Variants in TBC1D30 observed in about 807,000 individuals in gnomAD.
TBC1D30 encodes the protein TBC1 domain family member 30.
In TBC1D30, 31 loss-of-function variants were observed where a neutral mutation model predicts 63.2. The ratio of observed to expected loss-of-function variants is 0.49; its 90% CI spans 0.37 to 0.66. The LOEUF is 0.66. TBC1D30 is among the 30% of genes least tolerant of loss of function. TBC1D30 has a pLI of 0.00. For missense variants in TBC1D30, 810 were observed against 953.6 expected (o/e 0.85, Z 1.98); for synonymous variants, 307 against 361.5 (o/e 0.85, Z 1.71).
chr12:64,802,363 G>T (rs185391156), intron 2 of TBC1D30, among the ~76,000 whole-genome samples: 56 of 152,136 alleles, frequency 3.7e-4, no homozygotes, highest in African/African-American at 1.3e-3. Flanking sequence ...GAAAAGGGTC[G>T]CCCACATTTT....
At position 64,866,825 on chromosome 12, in the gene TBC1D30, G is replaced by A. The variant is rs908718259; in HGVS notation, c.1213G>A (p.Val405Ile). The change falls in exon 10 of 12, where the codon GTT becomes ATT. Residue 405 changes from valine to isoleucine, a missense_variant. Val to Ile is a conservative substitution (Grantham distance 29). Transcript: ENST00000539867. Reference protein sequence around the residue: ...ENDPDDEDAVVNAVGCLGPFS... With the variant: ...ENDPDDEDAVINAVGCLGPFS... ...TGACCCAGACGATGAGGATGCTGTC[G>A]TTAATGCAGTGGGGTGTCTTGGACC... The A allele has an allele frequency of 1.7e-5, 26 of 1,536,412 alleles. No individual in the cohort carries two copies. Among genetic ancestry groups the A allele is most frequent in the East Asian group, 2.4e-5 (1 of 40,932 alleles).
upstream of TBC1D30, among the ~76,000 whole-genome samples, chr12:64,822,639 C>T (rs909610916): frequency 6.6e-6 from 1 of 150,560 alleles, no homozygotes; most frequent in African/African-American, 2.4e-5. Flanking sequence ...GCTGGGCCTA[C>T]AGGTGTGTGC....
chr12:64,785,470 T>A (rs565883974), intron 1 of TBC1D30, among the ~76,000 whole-genome samples: 448 of 138,160 alleles, frequency 3.2e-3, no homozygotes, highest in African/African-American at 0.012. Flanking sequence ...TTTTTTTTTT[T>A]AATTAGCTGT....
chr12:64,800,389 C>T (rs540711063), intron 2 of TBC1D30, among the ~76,000 whole-genome samples: 1 of 152,118 alleles, frequency 6.6e-6, no homozygotes, highest in South Asian at 2.1e-4. Context: ...ATTTTGACAG[C>T]AGTGAGGACA....
At chr12:64,853,003 A>G (rs917342925) in intron 8 of TBC1D30, among the ~76,000 whole-genome samples, 4 of 152,192 alleles carry the variant, frequency 2.6e-5, no homozygotes, top group Non-Finnish European at 5.9e-5. Context: ...ATCCCTTGGT[A>G]GAGCTCGAGC....
At chr12:64,842,406 T>C (rs1875962962) in intron 7 of TBC1D30, among the ~76,000 whole-genome samples, 1 of 152,212 alleles carries the variant, frequency 6.6e-6, no homozygotes. Context: ...AAATACCTGG[T>C]ACTCTTTGTT....
intron 1 of TBC1D30, among the ~76,000 whole-genome samples, chr12:64,767,801 A>AGGGGGGG (rs370060179): frequency 1.4e-5 from 1 of 70,354 alleles, no homozygotes; most frequent in Non-Finnish European, 2.8e-5. Context: ...GGGGGGGGGG[A>AGGGGGGG]GGGGGGGGAG....
intron 10 of TBC1D30, 78 bp downstream of exon 10, chr12:64,866,981 T>A: frequency 6.8e-7 from 1 of 1,462,118 alleles, no homozygotes; most frequent in Non-Finnish European, 9.2e-7. Context: ...GTCCTATAGA[T>A]GCCCCAGTAA....
At chr12:64,801,187 G>A (rs1872568289) in intron 2 of TBC1D30, among the ~76,000 whole-genome samples, 1 of 152,184 alleles carries the variant, frequency 6.6e-6, no homozygotes, top group Admixed American at 6.5e-5. Flanking sequence ...TTCTGGAGGA[G>A]GGGCCGTATC....
chr12:64,825,598 G>C (rs2136355323), intron 1 of TBC1D30: 1 of 153,472 alleles, frequency 6.5e-6, no homozygotes, highest in African/African-American at 2.4e-5. Flanking sequence ...CTTTTCATAG[G>C]TGAGGTCCAG....
chr12:64,853,773 G>T (rs11175573), intron 8 of TBC1D30, among the ~76,000 whole-genome samples: 8,813 of 152,218 alleles, frequency 0.058, 886 homozygotes, highest in African/African-American at 0.2. Flanking sequence ...TGTTTCCTGG[G>T]TGAGGTGATG....
intron 2 of TBC1D30, among the ~76,000 whole-genome samples, chr12:64,798,736 C>T (rs987016339): frequency 2.0e-5 from 3 of 151,678 alleles, no homozygotes; most frequent in African/African-American, 7.3e-5. Flanking sequence ...GGTTCTCTTT[C>T]CTTGGGACCA....
chr12:64,786,995 C>A (rs1166220421), intron 2 of TBC1D30, among the ~76,000 whole-genome samples: 1 of 151,972 alleles, frequency 6.6e-6, no homozygotes, highest in Non-Finnish European at 1.5e-5. Flanking sequence ...AACAGCATCA[C>A]ACAGACATAA....
At chr12:64,812,599 T>C (rs544234508) in intron 2 of TBC1D30, among the ~76,000 whole-genome samples, 4 of 152,328 alleles carry the variant, frequency 2.6e-5, no homozygotes, top group African/African-American at 4.8e-5. Context: ...ACCAGACCTT[T>C]TTCATAAATG....
intron 5 of TBC1D30, among the ~76,000 whole-genome samples, chr12:64,833,973 A>G (rs1316871183): frequency 6.6e-6 from 1 of 152,124 alleles, no homozygotes; most frequent in Non-Finnish European, 1.5e-5. Flanking sequence ...ATGTTCAGGG[A>G]AGGAAATGTA....
At chr12:64,823,634 T>A (rs1426230114), upstream of TBC1D30, among the ~76,000 whole-genome samples, 3 of 152,252 alleles carry the variant, frequency 2.0e-5, no homozygotes, top group South Asian at 6.2e-4. Flanking sequence ...GACTATTTTA[T>A]GTATTTTCAA....
intron 8 of TBC1D30, among the ~76,000 whole-genome samples, chr12:64,845,816 T>C (rs7979091): frequency 0.039 from 5,863 of 151,984 alleles, 371 homozygotes; most frequent in African/African-American, 0.13. Context: ...TTTGCCACCA[T>C]GCCAGGCTAA....
At chr12:64,818,742 T>C (rs920330904) in intron 2 of TBC1D30, 1 of 152,424 alleles carries the variant, frequency 6.6e-6, no homozygotes, top group Non-Finnish European at 1.5e-5. Context: ...TGGCCAACTG[T>C]AAACTCTTTG....
Position 64,866,801 on chromosome 12 carries a change from G to T in TBC1D30, c.1189G>T (p.Asp397Tyr). 1 of 1,536,600 alleles carries T rather than the reference G, an allele frequency of 6.5e-7. No homozygotes were observed. Among genetic ancestry groups the T allele is most frequent in the South Asian group, 1.2e-5 (1 of 84,040 alleles). ...GGCCAGAGACAGTGATGAAGAGAAT[G>T]ACCCAGACGATGAGGATGCTGTCGT... ...SKARDSDEEN[D>Y]PDDEDAVVNA... The change falls in exon 10 of 12, where the codon GAC (aspartate) becomes TAC (tyrosine). Residue 397 changes from aspartate (D) to tyrosine (Y), a missense_variant. Physicochemically the swap from Asp to Tyr is radical, Grantham distance 160. This residue lies in a region of TBC1D30 where 450 missense variants were observed against 473.0 expected (regional missense o/e 0.95). Coordinates refer to ENST00000539867, the MANE Select transcript of TBC1D30 (RefSeq NM_015279.2).
Sources: allele counts gnomAD v4.1 joint callset (sites outside exome capture counted in the v4.1 genomes callset), GRCh38; gene constraint gnomAD v4.1.1; regional missense constraint gnomAD v4.1.1; transcripts MANE v1.5; gene names NCBI Gene and HGNC (gene_info 2026-07-23, HGNC 2026-07-21).